Variants in SLIT3 observed in about 807,000 individuals in gnomAD.
The protein encoded by SLIT3 is slit guidance ligand 3, also known as slit homolog 3 protein.
In SLIT3, 68 loss-of-function variants were observed where a neutral mutation model predicts 184.0. The observed-to-expected ratio is 0.37, with a 90% CI of 0.30 to 0.45. The LOEUF is 0.45. Among genes scored for constraint, SLIT3 ranks in the 20% least tolerant of loss-of-function variants. The pLI, the probability that SLIT3 is intolerant of heterozygous loss-of-function variation, is 1.00. For missense variants in SLIT3, 1,707 were observed against 2,026.0 expected (o/e 0.84, Z 3.02); for synonymous variants, 831 against 828.6 (o/e 1.00, Z -0.05).
At position 168,937,472 on chromosome 5, in the gene SLIT3, G is replaced by A. The variant is rs151271677; in HGVS notation, c.414-54136C>T. Among the ~76,000 whole-genome samples, 148 of 152,250 alleles carry A rather than the reference G, an allele frequency of 9.7e-4. No individual in the cohort carries two copies. The Middle Eastern group carries it at 0.017, about 17-fold the overall frequency. On this transcript the variant is annotated intron_variant, in intron 4 of 35. Coordinates refer to ENST00000519560, the MANE Select transcript of SLIT3 (RefSeq NM_003062.4). ...TGGTGGCAGCCTGGCCTTCGAGGGT[G>A]GCAGAGGGGCAGAGGTGAAATGGAC...
At chr5:169,118,466 A>G (rs574774904) in intron 4 of SLIT3, among the ~76,000 whole-genome samples, 51 of 152,332 alleles carry the variant, frequency 3.3e-4, no homozygotes, top group African/African-American at 9.9e-4. Context: ...TTGAAAGGCC[A>G]GGTGAGACCA....
At chr5:169,197,720 C>A (rs567593954) in intron 3 of SLIT3, among the ~76,000 whole-genome samples, 1 of 152,208 alleles carries the variant, frequency 6.6e-6, no homozygotes, top group South Asian at 2.1e-4. Flanking sequence ...TGGGCCAGGG[C>A]AATGACAGGA....
intron 20 of SLIT3, among the ~76,000 whole-genome samples, chr5:168,731,179 C>G (rs1763278094): frequency 6.6e-6 from 1 of 151,926 alleles, no homozygotes; most frequent in Non-Finnish European, 1.5e-5. Context: ...ACTAGAAAAT[C>G]TAGAGCAAAT....
intron 3 of SLIT3, among the ~76,000 whole-genome samples, chr5:169,212,036 G>A (rs1023847024): frequency 1.3e-5 from 2 of 152,168 alleles, no homozygotes; most frequent in African/African-American, 4.8e-5. Flanking sequence ...GGATATTTGG[G>A]TTGGGGCCAA....
intron 5 of SLIT3, among the ~76,000 whole-genome samples, chr5:168,856,428 T>C (rs1758871344): frequency 6.6e-6 from 1 of 152,176 alleles, no homozygotes; most frequent in African/African-American, 2.4e-5. Flanking sequence ...TGAAGAGCAA[T>C]GCGAATGAAG....
intron 3 of SLIT3, among the ~76,000 whole-genome samples, chr5:169,206,144 G>A (rs972423978): frequency 1.3e-5 from 2 of 152,218 alleles, no homozygotes; most frequent in African/African-American, 4.8e-5. Flanking sequence ...TGGGGGCAGG[G>A]AAGAGGGACT....
At chr5:168,696,533 T>C in intron 27 of SLIT3, 102 bp from the exon 28 acceptor site, 2 of 1,405,936 alleles carry the variant, frequency 1.4e-6, no homozygotes. Flanking sequence ...ACAATTAGTT[T>C]TTCCTCCAGA....
Position 168,817,943 on chromosome 5 carries a change from G to A in SLIT3, c.630-480C>T, listed in dbSNP as rs552183415. On this transcript the variant is annotated intron_variant, in intron 7 of 35. Coordinates refer to ENST00000519560, the MANE Select transcript of SLIT3 (RefSeq NM_003062.4). ...GTTGCCTTTCCCTGAGTTGTTCTTC[G>A]TTCCCCCGCTAAGTGTCCTTTAATA... Among the ~76,000 whole-genome samples, 52 of 149,944 alleles carry A rather than the reference G, an allele frequency of 3.5e-4. 1 individual carries two copies. Among genetic ancestry groups the A allele is most frequent in the Non-Finnish European group, 6.0e-4 (41 of 67,956 alleles).
intron 3 of SLIT3, among the ~76,000 whole-genome samples, chr5:169,207,798 G>A (rs1351047641): frequency 6.6e-6 from 1 of 152,124 alleles, no homozygotes; most frequent in Non-Finnish European, 1.5e-5. Flanking sequence ...CGGTGACTGG[G>A]CCATGAGGGT....
chr5:168,907,963 TATATATATATATATATAG>T (rs1562000092), intron 4 of SLIT3, among the ~76,000 whole-genome samples: 103 of 79,432 alleles, frequency 1.3e-3, no homozygotes, highest in East Asian at 6.2e-3. Context: ...TATATATATA[TATATATATATATATATAG>T]AGAGAGAGAG....
chr5:169,017,727 A>G (rs1756445030), intron 4 of SLIT3: 1 of 152,234 alleles, frequency 6.6e-6, no homozygotes. Flanking sequence ...GTAAATAAGC[A>G]GTCCAAGGAA....
At chr5:169,192,620 C>A (rs189844175) in intron 4 of SLIT3, among the ~76,000 whole-genome samples, 14 of 152,244 alleles carry the variant, frequency 9.2e-5, no homozygotes, top group Admixed American at 3.9e-4. Flanking sequence ...GTGGCCACAA[C>A]GTTGGAGCCT....
intron 4 of SLIT3, among the ~76,000 whole-genome samples, chr5:169,140,384 A>T (rs2113341562): frequency 7.0e-6 from 1 of 142,610 alleles, no homozygotes; most frequent in East Asian, 2.2e-4. Flanking sequence ...GGAGGCTGAG[A>T]CAGCAGAATT....
At chr5:169,204,631 C>T (rs1025778133) in intron 3 of SLIT3, among the ~76,000 whole-genome samples, 8 of 152,124 alleles carry the variant, frequency 5.3e-5, no homozygotes, top group African/African-American at 1.9e-4. Flanking sequence ...TTTGGCAGGG[C>T]CAGAGACGGG....
chr5:169,128,330 G>A (rs1354556714), intron 4 of SLIT3, among the ~76,000 whole-genome samples: 1 of 150,278 alleles, frequency 6.7e-6, no homozygotes. Context: ...AAATTTGTCT[G>A]AAACACTGCC....
intron 7 of SLIT3, among the ~76,000 whole-genome samples, chr5:168,819,588 G>A (rs986750478): frequency 3.9e-5 from 6 of 152,174 alleles, no homozygotes; most frequent in South Asian, 2.1e-4. Context: ...TGCATGTGGC[G>A]GATCACAGAT....
chr5:168,680,824 C>T (rs921660575), intron 32 of SLIT3, among the ~76,000 whole-genome samples: 1 of 152,118 alleles, frequency 6.6e-6, no homozygotes, highest in Non-Finnish European at 1.5e-5. Context: ...TCAGCTCAAA[C>T]ACCACCTCCT....
At chr5:168,941,438 A>G (rs1240224280) in intron 4 of SLIT3, among the ~76,000 whole-genome samples, 1 of 152,216 alleles carries the variant, frequency 6.6e-6, no homozygotes, top group African/African-American at 2.4e-5. Context: ...TTTTAGTATG[A>G]AATGGGACAT....
At chr5:169,271,634 A>G (rs1368111551) in intron 1 of SLIT3, among the ~76,000 whole-genome samples, 1 of 152,206 alleles carries the variant, frequency 6.6e-6, no homozygotes, top group African/African-American at 2.4e-5. Context: ...ATTAAAAAGA[A>G]AACAACTGCG....
Sources: gnomAD v4.1 joint callset for allele counts (sites outside exome capture counted in the v4.1 genomes callset) on GRCh38, gnomAD v4.1.1 for gene constraint, MANE v1.5 for transcripts, NCBI Gene and HGNC (gene_info 2026-07-23, HGNC 2026-07-21) for gene names.